The following TENM4 variants were observed in gnomAD, a reference collection of about 807,000 sequenced individuals.
TENM4 encodes the protein teneurin transmembrane protein 4.
Under a neutral mutation model 243.3 loss-of-function variants are expected in TENM4, and 82 were observed. The observed-to-expected ratio is 0.34, with a 90% CI of 0.28 to 0.40. TENM4 has a LOEUF of 0.40. TENM4 is among the 10% of genes least tolerant of loss of function. TENM4 has a pLI of 1.00. For missense variants in TENM4, 3,138 were observed against 3,673.3 expected (o/e 0.85, Z 3.77); for synonymous variants, 1,412 against 1,456.3 (o/e 0.97, Z 0.69).
At position 78,970,780 on chromosome 11, in the gene TENM4, A is replaced by T. The variant is rs1857527121; in HGVS notation, c.494-67257T>A. Among the ~76,000 whole-genome samples, 3 of 152,222 alleles carry T rather than the reference A, an allele frequency of 2.0e-5. No homozygotes were observed. In the South Asian group the frequency reaches 6.2e-4, roughly 32 times the overall value. ...ATGGAAAAAATGTAGGATATAAATGACTTAATTTACAATGGAGAGTCAGAT... is the reference window on the plus strand; with the variant it reads ...ATGGAAAAAATGTAGGATATAAATGTCTTAATTTACAATGGAGAGTCAGAT... On this transcript the variant is annotated intron_variant, in intron 6 of 33. Coordinates refer to ENST00000278550, the MANE Select transcript of TENM4 (RefSeq NM_001098816.3).
At chr11:78,893,268 A>G (rs1203211929) in intron 7 of TENM4, among the ~76,000 whole-genome samples, 2 of 152,242 alleles carry the variant, frequency 1.3e-5, no homozygotes, top group Non-Finnish European at 2.9e-5. Flanking sequence ...TGGTGGCCCA[A>G]TGGGAGGCAT....
chr11:79,255,685 A>T (rs1855689875), intron 2 of TENM4, among the ~76,000 whole-genome samples: 1 of 152,274 alleles, frequency 6.6e-6, no homozygotes, highest in Non-Finnish European at 1.5e-5. Context: ...GCAGAAAGAG[A>T]TAACATGGAT....
chr11:78,835,303 C>T (rs996638496), intron 12 of TENM4, among the ~76,000 whole-genome samples: 1 of 152,098 alleles, frequency 6.6e-6, no homozygotes, highest in Non-Finnish European at 1.5e-5. Flanking sequence ...GTCAAGAGAT[C>T]GAGACCATCC....
intron 3 of TENM4, among the ~76,000 whole-genome samples, chr11:79,196,268 C>A (rs548391512): frequency 6.6e-6 from 1 of 152,120 alleles, no homozygotes; most frequent in South Asian, 2.1e-4. Flanking sequence ...AACCTGAGCC[C>A]AACAGGCCTG....
At chr11:79,142,933 C>G (rs1862317255) in intron 4 of TENM4, among the ~76,000 whole-genome samples, 2 of 152,206 alleles carry the variant, frequency 1.3e-5, no homozygotes, top group South Asian at 2.1e-4. Flanking sequence ...AAATGCTCAT[C>G]ATCACTGGCC....
intron 12 of TENM4, among the ~76,000 whole-genome samples, chr11:78,839,531 T>C (rs1253627673): frequency 6.6e-6 from 1 of 152,158 alleles, no homozygotes; most frequent in Non-Finnish European, 1.5e-5. Context: ...TTAAGTAAAA[T>C]AGTTTTTCAG....
chr11:79,005,980 A>G (rs1858471544), intron 6 of TENM4, among the ~76,000 whole-genome samples: 1 of 152,196 alleles, frequency 6.6e-6, no homozygotes, highest in Admixed American at 6.5e-5. Flanking sequence ...AGTCAAGAAA[A>G]AGTCTGAAAT....
At chr11:78,914,088 AC>A (rs1856260114) in intron 6 of TENM4, among the ~76,000 whole-genome samples, 1 of 152,154 alleles carries the variant, frequency 6.6e-6, no homozygotes. Context: ...ACCCAATCAC[AC>A]GGTGTATTCA....
chr11:79,067,651 C>T (rs1337725958), intron 5 of TENM4, among the ~76,000 whole-genome samples: 1 of 148,402 alleles, frequency 6.7e-6, no homozygotes, highest in African/African-American at 2.5e-5. Context: ...TAGGAAAATG[C>T]AAGGTAAGGG....
chr11:78,764,939 T>G (rs1591005837), intron 18 of TENM4, among the ~76,000 whole-genome samples: 1 of 150,706 alleles, frequency 6.6e-6, no homozygotes, highest in Non-Finnish European at 1.5e-5. Context: ...AGAATGGGGG[T>G]GTGGGCGGGG....
intron 6 of TENM4, among the ~76,000 whole-genome samples, chr11:79,052,197 C>T (rs544896776): frequency 9.8e-5 from 15 of 152,316 alleles, no homozygotes; most frequent in African/African-American, 2.9e-4. Flanking sequence ...GGAATTGCCA[C>T]GCTGTCTTCC....
Position 78,818,121 on chromosome 11 carries a change from A to G in TENM4, c.1682-3726T>C, listed in dbSNP as rs144503453. Among the ~76,000 whole-genome samples the G allele has an allele frequency of 9.7e-3, 1,472 of 152,258 alleles. 15 individuals are homozygous for G. The highest frequency in any genetic ancestry group is 0.034 in the South Asian group (165 of 4,822). ...AATAAATATTTGTTTCTACTCCTGA[A>G]AGAATTCCACTAGATGAGCTCAGAA... On this transcript the variant is annotated intron_variant, in intron 12 of 33. Transcript: ENST00000278550.
At chr11:79,436,649 A>T (rs1721174500) in intron 1 of TENM4, among the ~76,000 whole-genome samples, 1 of 152,150 alleles carries the variant, frequency 6.6e-6, no homozygotes, top group Non-Finnish European at 1.5e-5. Flanking sequence ...CTATCCTTTG[A>T]TGGTTCTTGT....
At chr11:79,256,791 G>C (rs672330) in intron 2 of TENM4, among the ~76,000 whole-genome samples, 13,490 of 152,240 alleles carry the variant, frequency 0.089, 796 homozygotes, top group Non-Finnish European at 0.13. Context: ...GGCTTTCATT[G>C]GGTGATAGGG....
chr11:78,903,009 G>A (rs1165027780), intron 7 of TENM4, among the ~76,000 whole-genome samples: 1 of 151,366 alleles, frequency 6.6e-6, no homozygotes, highest in Non-Finnish European at 1.5e-5. Context: ...AGAGGCAAGG[G>A]GTTGGTGCGG....
chr11:78,936,254 T>G (rs1024718490), intron 6 of TENM4, among the ~76,000 whole-genome samples: 1 of 152,198 alleles, frequency 6.6e-6, no homozygotes, highest in Non-Finnish European at 1.5e-5. Context: ...AGATGTGCAT[T>G]TTAATATAGC....
chr11:79,261,945 G>T (rs551082957), intron 2 of TENM4, among the ~76,000 whole-genome samples: 2 of 152,284 alleles, frequency 1.3e-5, no homozygotes, highest in African/African-American at 4.8e-5. Flanking sequence ...GATGCCAAAG[G>T]GGCCTGCGGA....
At chr11:79,394,381 C>T (rs554787161) in intron 1 of TENM4, among the ~76,000 whole-genome samples, 1 of 152,260 alleles carries the variant, frequency 6.6e-6, no homozygotes, top group East Asian at 1.9e-4. Flanking sequence ...GTTGGAAGTC[C>T]CAGCTTCAGG....
chr11:78,669,078 C>T lies in TENM4; in HGVS notation c.7267G>A (p.Val2423Met), dbSNP rs759903805. 4 of 1,613,950 alleles carry T rather than the reference C, an allele frequency of 2.5e-6. No individual in the cohort carries two copies. The highest frequency in any genetic ancestry group is 4.5e-5 in the East Asian group (2 of 44,884). Residue 2423 changes from valine to methionine, a missense_variant, in exon 32 of 34, where the codon GTG becomes ATG. Coordinates refer to ENST00000278550, the MANE Select transcript of TENM4 (RefSeq NM_001098816.3). This position sits in a 1 kb window ranked among gnomAD's most constrained non-coding sequence, Gnocchi z 6.4. ...GGGCTAGTCCAGCGTCCGGCCAGCACATCATAATCTCGCCGGCCCATGTGG... is the reference window on the plus strand; with the variant it reads ...GGGCTAGTCCAGCGTCCGGCCAGCATATCATAATCTCGCCGGCCCATGTGG... ...LVHMGRRDYDVLAGRWTSPDH... is the reference protein window; with the variant it reads ...LVHMGRRDYDMLAGRWTSPDH...
Sources: gnomAD v4.1 joint callset for allele counts (sites outside exome capture counted in the v4.1 genomes callset) on GRCh38, gnomAD v4.1.1 for gene constraint, Gnocchi (gnomAD v3.1) non-coding constraint, MANE v1.5 for transcripts, NCBI Gene and HGNC (gene_info 2026-07-23, HGNC 2026-07-21) for gene names.